Variants in ATCAY observed in about 807,000 individuals in gnomAD.
ATCAY encodes the protein ATCAY kinesin light chain interacting caytaxin, also known as caytaxin.
ATCAY carries 22 observed loss-of-function variants against 47.7 expected under a neutral mutation model. The observed-to-expected ratio is 0.46, with a 90% CI of 0.33 to 0.66. The LOEUF is 0.66. Ranked by LOEUF, ATCAY falls within the 30% of genes least tolerant of loss-of-function variation. ATCAY has a pLI of 0.02. For missense variants in ATCAY, 452 were observed against 515.0 expected, an observed-to-expected ratio of 0.88 and a Z score of 1.18; for synonymous variants, 216 against 207.6, an observed-to-expected ratio of 1.04 and a Z score of -0.35.
At chr19:3,899,436 C>A (rs146617145) in intron 2 of ATCAY, among the ~76,000 whole-genome samples, 2 of 151,600 alleles carry the variant, frequency 1.3e-5, no homozygotes, top group Non-Finnish European at 2.9e-5. Flanking sequence ...GCCTCAGCCT[C>A]CCCAGTAGCT....
intron 2 of ATCAY, among the ~76,000 whole-genome samples, chr19:3,887,645 C>G (rs914641124): frequency 2.7e-5 from 4 of 150,612 alleles, no homozygotes; most frequent in Non-Finnish European, 5.9e-5. Flanking sequence ...CGCCACCACG[C>G]CCGGCTAATT....
chr19:3,897,112 A>C (rs1244729510), intron 2 of ATCAY, among the ~76,000 whole-genome samples: 2 of 151,976 alleles, frequency 1.3e-5, no homozygotes, highest in Non-Finnish European at 2.9e-5. Flanking sequence ...CTTCTTCGAC[A>C]GCAAATGGAA....
At chr19:3,909,736 T>C (rs2038906971) in intron 7 of ATCAY, 119 bp downstream of exon 7, 2 of 1,413,616 alleles carry the variant, frequency 1.4e-6, no homozygotes, top group African/African-American at 1.4e-5. Flanking sequence ...GAAGGTCCCT[T>C]GAGCCCAGGA....
At chr19:3,908,139 G>A (rs1469134392) in intron 5 of ATCAY, 129 bp from the exon 6 acceptor site, 144 of 1,034,510 alleles carry the variant, frequency 1.4e-4, no homozygotes, top group Admixed American at 3.2e-4. Flanking sequence ...CTAAGGGGTC[G>A]CCGGCTGCTG....
At chr19:3,913,476 C>A (rs7508577) in intron 8 of ATCAY, among the ~76,000 whole-genome samples, 3,294 of 152,274 alleles carry the variant, frequency 0.022, 101 homozygotes, top group African/African-American at 0.074. Flanking sequence ...ATCTCCCCAC[C>A]TCCTGACTTC....
At chr19:3,918,060 A>G (rs2038981092) in intron 10 of ATCAY, among the ~76,000 whole-genome samples, 1 of 152,166 alleles carries the variant, frequency 6.6e-6, no homozygotes, top group Admixed American at 6.6e-5. Flanking sequence ...TTGAGCACAG[A>G]CTTCACGCTC....
At chr19:3,885,935 G>T in intron 2 of ATCAY, 91 bp downstream of exon 2, 4 of 1,329,584 alleles carry the variant, frequency 3.0e-6, no homozygotes, top group Non-Finnish European at 3.2e-6. Context: ...CTCTCTAAGT[G>T]GGAACCGCCC....
intron 2 of ATCAY, among the ~76,000 whole-genome samples, chr19:3,888,585 G>A (rs988295733): frequency 5.9e-5 from 9 of 152,044 alleles, no homozygotes; most frequent in South Asian, 2.1e-4. Context: ...AGCCGAGATC[G>A]CGCCACTGGA....
At chr19:3,889,920 A>T (rs1205391713) in intron 2 of ATCAY, among the ~76,000 whole-genome samples, 1 of 149,176 alleles carries the variant, frequency 6.7e-6, no homozygotes, top group East Asian at 1.9e-4. Context: ...CCCCCTACTG[A>T]TTTTTTTTTA....
intron 2 of ATCAY, among the ~76,000 whole-genome samples, chr19:3,887,847 G>A (rs1676441458): frequency 6.6e-6 from 1 of 150,606 alleles, no homozygotes; most frequent in Admixed American, 6.6e-5. Flanking sequence ...TGGCTCAGGT[G>A]TGTGTAATCC....
intron 6 of ATCAY, among the ~76,000 whole-genome samples, chr19:3,908,656 T>C (rs1174996873): frequency 1.4e-5 from 1 of 72,670 alleles, no homozygotes; most frequent in African/African-American, 6.9e-5. Flanking sequence ...TCCTCCCCCT[T>C]CCCCTTTCTT....
intron 2 of ATCAY, among the ~76,000 whole-genome samples, chr19:3,900,389 T>C (rs768092391): frequency 2.0e-5 from 3 of 152,052 alleles, no homozygotes; most frequent in Non-Finnish European, 2.9e-5. Flanking sequence ...AGTTACGCCA[T>C]GTTGCCCAGG....
chr19:3,897,770 T>G (rs2038782247), intron 2 of ATCAY, among the ~76,000 whole-genome samples: 1 of 151,788 alleles, frequency 6.6e-6, no homozygotes, highest in Admixed American at 6.6e-5. Context: ...CAGCTGAGCA[T>G]GGTGGTGGGC....
intron 12 of ATCAY, among the ~76,000 whole-genome samples, chr19:3,922,407 G>A (rs893312080): frequency 1.3e-5 from 2 of 152,202 alleles, no homozygotes; most frequent in African/African-American, 4.8e-5. Flanking sequence ...GAGCAAAGGG[G>A]GGAAAGCCCC....
rs577192834 is a variant in ATCAY, at chr19:3,911,226, C to T, written c.866+337C>T. On this transcript the variant is annotated intron_variant, in intron 8 of 12. Coordinates refer to ENST00000450849, the MANE Select transcript of ATCAY (RefSeq NM_033064.5). Reference sequence around the variant, plus strand: ...ACAAAAAATACAAAAATTAGCAGGACGTGGTGGTGCACACCTGTAGTTTCA... The same window carrying T: ...ACAAAAAATACAAAAATTAGCAGGATGTGGTGGTGCACACCTGTAGTTTCA... Among the ~76,000 whole-genome samples the T allele has an allele frequency of 6.6e-5, 10 of 152,130 alleles. No individual in the cohort carries two copies. In the South Asian group the frequency reaches 1.2e-3, roughly 19 times the overall value.
At chr19:3,891,111 G>C (rs1474647396) in intron 2 of ATCAY, among the ~76,000 whole-genome samples, 1 of 151,374 alleles carries the variant, frequency 6.6e-6, no homozygotes, top group African/African-American at 2.4e-5. Flanking sequence ...GAGTGCAGTG[G>C]TGCAACCTCA....
At chr19:3,902,949 T>C (rs1206751709) in intron 3 of ATCAY, among the ~76,000 whole-genome samples, 3 of 152,194 alleles carry the variant, frequency 2.0e-5, no homozygotes, top group Non-Finnish European at 4.4e-5. Flanking sequence ...TACATTTTAA[T>C]GTGTAATACC....
intron 3 of ATCAY, among the ~76,000 whole-genome samples, chr19:3,904,009 C>T (rs1206710143): frequency 2.7e-5 from 4 of 148,202 alleles, no homozygotes; most frequent in African/African-American, 5.1e-5. Flanking sequence ...AAAAATTAGC[C>T]GGGCATTGTG....
chr19:3,918,851 G>A lies in ATCAY; in HGVS notation c.1047G>A (p.Lys349=). 1 of 1,614,014 alleles carries A rather than the reference G, an allele frequency of 6.2e-7. No individual in the cohort carries two copies. Among genetic ancestry groups the A allele is most frequent in the Non-Finnish European group, 8.5e-7 (1 of 1,179,880 alleles). The change falls in exon 11 of 13, where the codon AAG becomes AAA. Residue 349 remains lysine (K), a synonymous_variant. Transcript: ENST00000450849. ...TTGTGCTGCCCAGGTCTGAAGAGAA[G>A]CCAGAGGTGGCACCAGTGGAAAACA... is the stretch of plus-strand genomic sequence containing the variant. ...PEFVLPRSEE[K]PEVAPVENRS...
Sources: gnomAD v4.1 joint callset for allele counts (sites outside exome capture counted in the v4.1 genomes callset) on GRCh38, gnomAD v4.1.1 for gene constraint, MANE v1.5 for transcripts, NCBI Gene and HGNC (gene_info 2026-07-23, HGNC 2026-07-21) for gene names.